The following ACER2 variants were observed in gnomAD, a reference collection of about 807,000 sequenced individuals.
ACER2 encodes the protein alkCDase 2.
In ACER2, 26 loss-of-function variants were observed where a neutral mutation model predicts 34.7. That is an observed-to-expected ratio of 0.75 (90% CI 0.55 to 1.04). ACER2 has a LOEUF of 1.04. Ranked by LOEUF, ACER2 falls within the 50% of genes least tolerant of loss-of-function variation. The pLI is 0.00. For synonymous variants in ACER2, 138 were observed against 132.1 expected (o/e 1.04, Z -0.31); for missense variants, 352 against 340.8 (o/e 1.03, Z -0.26).
At chr9:19,421,757 T>G (rs1333863119) in intron 1 of ACER2, among the ~76,000 whole-genome samples, 1 of 151,380 alleles carries the variant, frequency 6.6e-6, no homozygotes, top group African/African-American at 2.5e-5. Flanking sequence ...ATGTGAATTT[T>G]ACCTCAATTT....
intron 3 of ACER2, among the ~76,000 whole-genome samples, chr9:19,433,546 G>A (rs1830830848): frequency 6.6e-6 from 1 of 152,194 alleles, no homozygotes; most frequent in Non-Finnish European, 1.5e-5. Context: ...AGTCTCCCAT[G>A]TCTACCTCTT....
At chr9:19,447,478 C>T (rs1831408804) in intron 5 of ACER2, among the ~76,000 whole-genome samples, 2 of 152,136 alleles carry the variant, frequency 1.3e-5, no homozygotes, top group South Asian at 4.1e-4. Flanking sequence ...AGTTTACCGT[C>T]TTAGGATCCA....
chr9:19,433,905 A>T (rs924938531), intron 3 of ACER2, among the ~76,000 whole-genome samples: 2 of 141,820 alleles, frequency 1.4e-5, no homozygotes, highest in Non-Finnish European at 1.5e-5. Context: ...CTGGCCGGGT[A>T]GGGGGCTGAC....
chr9:19,422,915 C>T (rs1830447166), intron 1 of ACER2, among the ~76,000 whole-genome samples: 2 of 151,436 alleles, frequency 1.3e-5, no homozygotes, highest in Non-Finnish European at 2.9e-5. Flanking sequence ...GCCTGTAATC[C>T]CAACTACTCG....
At chr9:19,413,645 T>A (rs1415039849) in intron 1 of ACER2, among the ~76,000 whole-genome samples, 1 of 150,466 alleles carries the variant, frequency 6.6e-6, no homozygotes, top group Non-Finnish European at 1.5e-5. Flanking sequence ...CCCAGTCACA[T>A]AGACCTAGCC....
At position 19,450,258 on chromosome 9, in the gene ACER2, TG is replaced by T. The variant is rs924215373; in HGVS notation, c.642-191del. ...GAACATTCTAAAACGGGTCCCAAATTGCTGAAGATTTATCATCCTGCTATTC... is the reference window on the plus strand; with the variant it reads ...GAACATTCTAAAACGGGTCCCAAATTCTGAAGATTTATCATCCTGCTATTC... On this transcript the variant is annotated intron_variant, in intron 5 of 5. Coordinates refer to ENST00000340967, the MANE Select transcript of ACER2 (RefSeq NM_001010887.3). 6 of 985,332 alleles carry T rather than the reference TG, an allele frequency of 6.1e-6. No individual in the cohort carries two copies. In the African/African-American group the frequency reaches 1.0e-4, roughly 17 times the overall value. The allele number at this position is 985,332 out of a possible 1,614,324, so 61.0% of individuals were successfully genotyped here.
intron 3 of ACER2, among the ~76,000 whole-genome samples, chr9:19,429,428 C>T (rs970965862): frequency 5.3e-5 from 8 of 152,050 alleles, no homozygotes; most frequent in Non-Finnish European, 1.0e-4. Flanking sequence ...GCTTCCTGCG[C>T]TCAAGTGATC....
chr9:19,426,120 G>A (rs993688976), intron 3 of ACER2, among the ~76,000 whole-genome samples: 1 of 151,912 alleles, frequency 6.6e-6, no homozygotes, highest in Non-Finnish European at 1.5e-5. Flanking sequence ...GCACAAAAAT[G>A]CCTGGGAGGT....
intron 3 of ACER2, among the ~76,000 whole-genome samples, chr9:19,433,992 CGG>C: frequency 6.6e-6 from 1 of 151,714 alleles, no homozygotes; most frequent in African/African-American, 2.4e-5. Flanking sequence ...GGCTGCCGGG[CGG>C]AGACGCTCCT....
intron 1 of ACER2, among the ~76,000 whole-genome samples, chr9:19,410,913 G>C (rs754593244): frequency 6.6e-6 from 1 of 152,186 alleles, no homozygotes; most frequent in Non-Finnish European, 1.5e-5. Flanking sequence ...TAGTGAAAGA[G>C]TAAGGATTTC....
chr9:19,420,395 A>C (rs1205823479), intron 1 of ACER2, among the ~76,000 whole-genome samples: 1 of 152,182 alleles, frequency 6.6e-6, no homozygotes, highest in Non-Finnish European at 1.5e-5. Flanking sequence ...CACATTCGAC[A>C]TACTTCTTCT....
At chr9:19,414,720 T>A (rs182421252) in intron 1 of ACER2, among the ~76,000 whole-genome samples, 189 of 152,198 alleles carry the variant, frequency 1.2e-3, no homozygotes, top group African/African-American at 4.3e-3. Flanking sequence ...AAGGCTGCAG[T>A]GAGCTGTGAG....
chr9:19,437,149 TCTTTC>T (rs1324980342), intron 4 of ACER2, among the ~76,000 whole-genome samples: 1 of 152,224 alleles, frequency 6.6e-6, no homozygotes, highest in African/African-American at 2.4e-5. Context: ...CATCCTCGTC[TCTTTC>T]CTGAAGTCCA....
intron 3 of ACER2, among the ~76,000 whole-genome samples, chr9:19,428,718 A>C (rs1830658054): frequency 1.3e-5 from 2 of 150,858 alleles, no homozygotes; most frequent in Admixed American, 1.3e-4. Context: ...AATGGCTCAC[A>C]CAGAGTAAAG....
At chr9:19,435,121 C>A in intron 4 of ACER2, 37 bp downstream of exon 4, 1 of 1,611,290 alleles carries the variant, frequency 6.2e-7, no homozygotes, top group Non-Finnish European at 8.5e-7. Flanking sequence ...TTAGCTGTCC[C>A]CGTGCTGGGA....
chr9:19,429,161 G>C (rs1407015473), intron 3 of ACER2, among the ~76,000 whole-genome samples: 1 of 152,016 alleles, frequency 6.6e-6, no homozygotes, highest in African/African-American at 2.4e-5. Flanking sequence ...TATGTCAATA[G>C]GATATAAATG....
chr9:19,423,115 G>A (rs1318522589), intron 1 of ACER2, among the ~76,000 whole-genome samples: 1 of 151,908 alleles, frequency 6.6e-6, no homozygotes, highest in Non-Finnish European at 1.5e-5. Flanking sequence ...TGTGGTGGGA[G>A]GATCACTTCA....
At chr9:19,444,356 C>T (rs531016954) in intron 4 of ACER2, among the ~76,000 whole-genome samples, 100 of 151,834 alleles carry the variant, frequency 6.6e-4, no homozygotes, top group African/African-American at 2.3e-3. Flanking sequence ...GGACTACAGG[C>T]GCCCGCCACC....
chr9:19,421,336 C>T (rs1007727514), intron 1 of ACER2, among the ~76,000 whole-genome samples: 2 of 151,828 alleles, frequency 1.3e-5, no homozygotes, highest in Non-Finnish European at 2.9e-5. Flanking sequence ...ACCATAGTAC[C>T]CAGCAACAAT....
Sources: gnomAD v4.1 joint callset for allele counts (sites outside exome capture counted in the v4.1 genomes callset) on GRCh38, gnomAD v4.1.1 for gene constraint, MANE v1.5 for transcripts, NCBI Gene and HGNC (gene_info 2026-07-23, HGNC 2026-07-21) for gene names.